Variants in KRT6A observed in about 807,000 individuals in gnomAD.
KRT6A encodes keratin, type II cytoskeletal 6A.
A neutral mutation model predicts 48.6 loss-of-function variants in KRT6A; 28 were observed. The ratio of observed to expected loss-of-function variants is 0.58; its 90% CI spans 0.43 to 0.79. The LOEUF is 0.79. Ranked by LOEUF, KRT6A falls within the 30% of genes least tolerant of loss-of-function variation. The probability of loss-of-function intolerance (pLI) is 0.00; values close to 1 mark genes in which losing one functional copy is unlikely to be tolerated. For synonymous variants in KRT6A, 301 were observed against 294.2 expected (o/e 1.02, Z -0.24); for missense variants, 687 against 724.3 (o/e 0.95, Z 0.59).
rs749702673 is a variant in KRT6A at position 52,491,604 on chromosome 12, G to T, written c.673C>A (p.Leu225Met). ...EQYINNLRRQLDSIVGERGRL... is the reference protein window; with the variant it reads ...EQYINNLRRQMDSIVGERGRL... ...CCCCGTTCCCCGACAATGCTGTCCA[G>T]CTGCCTCCTGAGGTTGTTGATGTAC... Residue 225 changes from leucine to methionine, a missense_variant, in exon 2 of 9, where the codon CTG (leucine) becomes ATG (methionine). Transcript: ENST00000330722. 39 of 1,614,050 alleles carry T rather than the reference G, an allele frequency of 2.4e-5. No individual in the cohort carries two copies. The highest frequency in any genetic ancestry group is 3.3e-5 in the Non-Finnish European group (39 of 1,180,036).
intron 1 of KRT6A, among the ~76,000 whole-genome samples, chr12:52,492,183 G>T (rs1938279514): frequency 6.6e-6 from 1 of 152,166 alleles, no homozygotes; most frequent in African/African-American, 2.4e-5. Flanking sequence ...CTGATGTTAT[G>T]GTCATTCTTT....
Position 52,487,381 on chromosome 12 carries a change from C to T in KRT6A, c.*339G>A. On this transcript the variant is annotated 3_prime_UTR_variant, in exon 9 of 9. Coordinates refer to ENST00000330722, the MANE Select transcript of KRT6A (RefSeq NM_005554.4). Reference sequence around the variant, plus strand: ...AAGTTGTTCTGAAATAAGCCCCTGGCAATTTTCTGCAATGAAAAGGAGCAG... The same window carrying T: ...AAGTTGTTCTGAAATAAGCCCCTGGTAATTTTCTGCAATGAAAAGGAGCAG... The T allele has an allele frequency of 8.5e-6, 3 of 354,950 alleles. No homozygotes were observed. Among genetic ancestry groups the T allele is most frequent in the South Asian group, 3.2e-5 (1 of 31,292 alleles). 22.0% of individuals were successfully genotyped at this position (354,950 alleles called of 1,614,324 possible).
rs1315943300 is a variant in KRT6A, at chr12:52,490,899, G to C, written c.871C>G (p.Leu291Val). Residue 291 changes from leucine to valine, a missense_variant, in exon 4 of 9, where the codon CTC becomes GTC. By Grantham distance (32) the Leu-to-Val change is conservative. This residue lies in a region of KRT6A where 566 missense variants were observed against 565.3 expected (regional missense o/e 1.00). Transcript: ENST00000330722. ...CTCAGGAAGTTGATCTCGTCTGTGA[G>C]AGTGTCTGCCTTGGCTTGCAGTTCA... Reference protein sequence around the residue: ...KVELQAKADTLTDEINFLRAL... With the variant: ...KVELQAKADTVTDEINFLRAL... 2 of 1,613,888 alleles carry C rather than the reference G, an allele frequency of 1.2e-6. No individual in the cohort carries two copies. Among genetic ancestry groups the C allele is most frequent in the Non-Finnish European group, 1.7e-6 (2 of 1,179,902 alleles).
chr12:52,488,284 GAAGATGGA>G, intron 7 of KRT6A, 36 bp downstream of exon 7: 1 of 1,614,086 alleles, frequency 6.2e-7, no homozygotes, highest in Non-Finnish European at 8.5e-7. Flanking sequence ...CAGGAACCTT[GAAGATGGA>G]CTCAGCTGTT....
Position 52,490,696 on chromosome 12 carries a change from G to T in KRT6A, c.950C>A (p.Ser317Tyr), listed in dbSNP as rs1938244417. The T allele has an allele frequency of 6.2e-7, 1 of 1,614,242 alleles. No homozygotes were observed. The highest frequency in any genetic ancestry group is 1.7e-5 in the Admixed American group (1 of 60,030). Reference protein sequence around the residue: ...SQMQTHISDTSVVLSMDNNRN... With the variant: ...SQMQTHISDTYVVLSMDNNRN... The stretch of plus-strand genomic sequence containing the variant: ...GTTGTTGTCCATGGACAGCACCACA[G>T]ATGTGTCTGAGATGTGGGTCTGCAT... Residue 317 changes from serine to tyrosine, a missense_variant, in exon 5 of 9, where the codon TCT becomes TAT. Transcript: ENST00000330722.
chr12:52,492,900 C>T lies in KRT6A; in HGVS notation c.289G>A (p.Gly97Arg), dbSNP rs200254647. 8.5e-5 allele frequency: 137 copies of T among 1,607,124 alleles called. No individual in the cohort carries two copies. Among genetic ancestry groups the T allele is most frequent in the African/African-American group, 1.9e-4 (14 of 74,564 alleles). Residue 97 changes from glycine to arginine, a missense_variant, in exon 1 of 9, where the codon GGG (glycine) becomes AGG (arginine). This residue lies in a region of KRT6A where 49 missense variants were observed against 97.3 expected (regional missense o/e 0.50). Transcript: ENST00000330722. ...CCACCACCGAAACCAAATCCACTCC[C>T]GGCGCCACCAAAGCCATAGCTGCCT... ...AGGSYGFGGA[G>R]SGFGFGGGAG...
At chr12:52,490,179 C>G in intron 5 of KRT6A, 111 bp from the exon 6 acceptor site, 1 of 1,605,000 alleles carries the variant, frequency 6.2e-7, no homozygotes, top group East Asian at 2.2e-5. Context: ...GGCTTCTCCT[C>G]AAGAAACTTG....
At chr12:52,492,540 T>A in intron 1 of KRT6A, 109 bp downstream of exon 1, 1 of 1,593,606 alleles carries the variant, frequency 6.3e-7, no homozygotes, top group South Asian at 1.1e-5. Context: ...TCTGCAGAGC[T>A]GGGCTGAGTC....
At chr12:52,491,817 G>A (rs991528192) in intron 1 of KRT6A, 81 bp from the exon 2 acceptor site, 113 of 1,565,192 alleles carry the variant, frequency 7.2e-5, no homozygotes, top group Admixed American at 1.8e-4. Context: ...TGGCAGGTCC[G>A]GGAGGTTCCC....
chr12:52,492,941 T>TAGCCGCCACTGATGGCACAGCTGCCCC lies in KRT6A; in HGVS notation c.221_247dup (p.Gly82_Tyr83insTrpGlySerCysAlaIleSerGlyGly), dbSNP rs1401532112. The TAGCCGCCACTGATGGCACAGCTGCCCC allele has an allele frequency of 6.2e-7, 1 of 1,607,102 alleles. No individual in the cohort carries two copies. Among genetic ancestry groups the TAGCCGCCACTGATGGCACAGCTGCCCC allele is most frequent in the Non-Finnish European group, 8.5e-7 (1 of 1,177,396 alleles). ...ATAGCTGCCTCCGGCTCTGCTGCCA[T>TAGCCGCCACTGATGGCACAGCTGCCCC]AGCCGCCACTGATGGCACAGCTGCC... On this transcript the variant is annotated inframe_insertion, in exon 1 of 9. Transcript: ENST00000330722.
intron 1 of KRT6A, 92 bp from the exon 2 acceptor site, chr12:52,491,828 A>T (rs977677438): frequency 4.6e-6 from 7 of 1,523,824 alleles, no homozygotes; most frequent in Middle Eastern, 3.7e-4. Flanking sequence ...GGAGGTTCCC[A>T]TGGTGCTGGG....
At chr12:52,489,406 G>A (rs1938212500) in intron 6 of KRT6A, among the ~76,000 whole-genome samples, 1 of 152,088 alleles carries the variant, frequency 6.6e-6, no homozygotes, top group African/African-American at 2.4e-5. Flanking sequence ...AGTCTCCTGA[G>A]TAGCTGGGAC....
intron 6 of KRT6A, among the ~76,000 whole-genome samples, chr12:52,489,259 A>G (rs1413054390): frequency 6.9e-6 from 1 of 144,940 alleles, no homozygotes; most frequent in Non-Finnish European, 1.5e-5. Flanking sequence ...AACTTTCTGA[A>G]TACATTATGA....
In KRT6A at chr12:52,490,266, C is replaced by T. The variant is rs182919394; in HGVS notation, c.1078-198G>A. 4.6e-3 allele frequency: 5,147 copies of T among 1,108,704 alleles called. 19 individuals carry two copies. Among genetic ancestry groups the T allele is most frequent in the Non-Finnish European group, 5.5e-3 (4,178 of 761,378 alleles). 68.7% of individuals were successfully genotyped at this position (1,108,704 alleles called of 1,614,324 possible). ...ACCATCCTCATTATGGCACCACTGC[C>T]TGCCTAGTTTCTTTAGGGAGTAGAA... On this transcript the variant is annotated intron_variant, in intron 5 of 8. Transcript: ENST00000330722.
Position 52,489,960 on chromosome 12 carries a change from C to G in KRT6A, c.1186G>C (p.Asp396His). 1 of 1,614,076 alleles carries G rather than the reference C, an allele frequency of 6.2e-7. No homozygotes were observed. Among genetic ancestry groups the G allele is most frequent in the Non-Finnish European group, 8.5e-7 (1 of 1,180,016 alleles). Residue 396 changes from aspartate to histidine, a missense_variant, in exon 6 of 9, where the codon GAC becomes CAC. Coordinates refer to ENST00000330722, the MANE Select transcript of KRT6A (RefSeq NM_005554.4). ...RMIQRLRSEI[D>H]HVKKQCANLQ... is the part of the protein sequence containing the mutation. ...CACCATACCTGCTTCTTGACGTGGT[C>G]GATCTCAGATCTCAGCCTCTGGATC...
At chr12:52,491,841 A>C in intron 1 of KRT6A, 105 bp from the exon 2 acceptor site, 2 of 1,422,316 alleles carry the variant, frequency 1.4e-6, no homozygotes, top group South Asian at 2.4e-5. Context: ...GTGCTGGGCT[A>C]CTACAGTGCA....
chr12:52,490,972 A>C lies in KRT6A; in HGVS notation c.817-19T>G. ...CCACATCCTGGGGAAAGAGCCAACA[A>C]CCTGGAGTTACCTGAGCTCACCTTT... On this transcript the variant is annotated intron_variant, in intron 3 of 8. Coordinates refer to ENST00000330722, the MANE Select transcript of KRT6A (RefSeq NM_005554.4). The C allele has an allele frequency of 6.2e-7, 1 of 1,613,674 alleles. No individual in the cohort carries two copies.
In KRT6A at chr12:52,487,493, T is replaced by C. The variant is rs1938163664; in HGVS notation, c.*227A>G. 3.3e-6 allele frequency: 2 copies of C among 605,150 alleles called. No individual in the cohort carries two copies. Among genetic ancestry groups the C allele is most frequent in the Non-Finnish European group, 5.9e-6 (2 of 340,248 alleles). 37.5% of individuals were successfully genotyped at this position (605,150 alleles called of 1,614,324 possible). On this transcript the variant is annotated 3_prime_UTR_variant, in exon 9 of 9. Coordinates refer to ENST00000330722, the MANE Select transcript of KRT6A (RefSeq NM_005554.4). The stretch of plus-strand genomic sequence containing the variant: ...TTTAGTAACAGTGAAGCTCCAGTGG[T>C]GATTACATCATGATGTAAAATCAGA...
At chr12:52,488,802 G>A (rs1051831828) in intron 6 of KRT6A, among the ~76,000 whole-genome samples, 2 of 152,190 alleles carry the variant, frequency 1.3e-5, no homozygotes, top group African/African-American at 2.4e-5. Context: ...AGACACTGCA[G>A]TGGACACATA....
Sources: allele counts gnomAD v4.1 joint callset (sites outside exome capture counted in the v4.1 genomes callset), GRCh38; gene constraint gnomAD v4.1.1; regional missense constraint gnomAD v4.1.1; transcripts MANE v1.5; gene names NCBI Gene and HGNC (gene_info 2026-07-23, HGNC 2026-07-21).